Variants in UBE2O observed in about 807,000 individuals in gnomAD.
UBE2O encodes the protein ubiquitin conjugating enzyme E2 O.
A neutral mutation model predicts 125.8 loss-of-function variants in UBE2O; 15 were observed. The observed-to-expected ratio is 0.12, with a 90% CI of 0.08 to 0.18. The LOEUF (loss-of-function observed/expected upper bound fraction) is 0.18. Among genes scored for constraint, UBE2O ranks in the 10% least tolerant of loss-of-function variants. The probability of loss-of-function intolerance (pLI) is 1.00; values close to 1 mark genes in which losing one functional copy is unlikely to be tolerated. For missense variants in UBE2O, 1,280 were observed against 1,723.6 expected, an observed-to-expected ratio of 0.74 and a Z score of 4.56; for synonymous variants, 708 against 703.2, an observed-to-expected ratio of 1.01 and a Z score of -0.11.
intron 1 of UBE2O, among the ~76,000 whole-genome samples, chr17:76,422,244 T>C (rs916980174): frequency 6.6e-6 from 1 of 152,170 alleles, no homozygotes; most frequent in African/African-American, 2.4e-5. Context: ...AAAGGGAAGA[T>C]GATGTGTGGA....
chr17:76,450,034 G>C (rs2073212165), intron 1 of UBE2O, among the ~76,000 whole-genome samples: 1 of 150,996 alleles, frequency 6.6e-6, no homozygotes. Flanking sequence ...AAGGACACCT[G>C]AGTAACAGTG....
In UBE2O at chr17:76,396,947, C is replaced by T; in HGVS notation, c.2116-126G>A. 6 of 766,626 alleles carry T rather than the reference C, an allele frequency of 7.8e-6. No individual in the cohort carries two copies. In the South Asian group the frequency reaches 1.1e-4, roughly 14 times the overall value. The allele number at this position is 766,626 out of a possible 1,614,324, so 47.5% of individuals were successfully genotyped here. On this transcript the variant is annotated intron_variant, in intron 13 of 17. Coordinates refer to ENST00000319380, the MANE Select transcript of UBE2O (RefSeq NM_022066.4). This position sits in a 1 kb window ranked among gnomAD's most constrained non-coding sequence, Gnocchi z 6.7. ...ACTGGGCTCATGAGGCCTTGGCAACCTCATTCCACCCTTTCCCTGACCTCT... is the reference window on the plus strand; with the variant it reads ...ACTGGGCTCATGAGGCCTTGGCAACTTCATTCCACCCTTTCCCTGACCTCT...
In UBE2O at chr17:76,398,233, G is replaced by C; in HGVS notation, c.2025+22C>G. The C allele has an allele frequency of 5.6e-6, 9 of 1,614,114 alleles. No homozygotes were observed. The highest frequency in any genetic ancestry group is 6.8e-6 in the Non-Finnish European group (8 of 1,179,974). ...GCACAGGGCAGTGAGCAGCCATCCA[G>C]AACTTGAATTTGAAGGCGTACCTCA... is the stretch of plus-strand genomic sequence containing the variant. On this transcript the variant is annotated intron_variant, in intron 12 of 17. Coordinates refer to ENST00000319380, the MANE Select transcript of UBE2O (RefSeq NM_022066.4). This position sits in a 1 kb window ranked among gnomAD's most constrained non-coding sequence, Gnocchi z 5.4.
Position 76,398,815 on chromosome 17 carries a change from G to A in UBE2O, c.1783+22C>T, listed in dbSNP as rs1174536679. 1 of 1,610,104 alleles carries A rather than the reference G, an allele frequency of 6.2e-7. No individual in the cohort carries two copies. The highest frequency in any genetic ancestry group is 1.3e-5 in the African/African-American group (1 of 74,882). On this transcript the variant is annotated intron_variant, in intron 10 of 17. Coordinates refer to ENST00000319380, the MANE Select transcript of UBE2O (RefSeq NM_022066.4). The surrounding 1 kb of genome is among the most constrained non-coding windows in gnomAD (Gnocchi z 5.4). Reference sequence around the variant, plus strand: ...CTCATTGGCGACCACCCTGCTGGCTGCCCTTCCAGAGCTGGCACTACCTCG... The same window carrying A: ...CTCATTGGCGACCACCCTGCTGGCTACCCTTCCAGAGCTGGCACTACCTCG...
intron 1 of UBE2O, among the ~76,000 whole-genome samples, chr17:76,416,871 C>CA (rs1414492661): frequency 6.6e-6 from 1 of 152,238 alleles, no homozygotes; most frequent in East Asian, 1.9e-4. Flanking sequence ...ACAGCACCAT[C>CA]ATGGAGACTG....
chr17:76,429,509 T>C (rs1364460579), intron 1 of UBE2O, among the ~76,000 whole-genome samples: 2 of 122,930 alleles, frequency 1.6e-5, no homozygotes, highest in African/African-American at 6.4e-5. Flanking sequence ...ACCACTGTAC[T>C]CCAGCCTGGG....
Position 76,402,828 on chromosome 17 carries a change from G to GA in UBE2O, c.589-130_589-129insT. 1.3e-6 allele frequency: 1 copy of GA among 765,012 alleles called. No individual in the cohort carries two copies. The highest frequency in any genetic ancestry group is 2.2e-6 in the Non-Finnish European group (1 of 447,806). The allele number at this position is 765,012 out of a possible 1,614,324, so 47.4% of individuals were successfully genotyped here. On this transcript the variant is annotated intron_variant, in intron 3 of 17. Coordinates refer to ENST00000319380, the MANE Select transcript of UBE2O (RefSeq NM_022066.4). This position sits in a 1 kb window ranked among gnomAD's most constrained non-coding sequence, Gnocchi z 5.4. Reference sequence around the variant, plus strand: ...AGACAGCTCACTGACTGGACCGGTTGGCTACTAGCCCTAAACAGCTGCTGC... The same window carrying GA: ...AGACAGCTCACTGACTGGACCGGTTGAGCTACTAGCCCTAAACAGCTGCTGC...
At position 76,396,285 on chromosome 17, in the gene UBE2O, G is replaced by A. The variant is rs137956692; in HGVS notation, c.2652C>T (p.Asp884=). ...CGGGCTTGTCCTCCTTGCGCTCTAC[G>A]TCGGGCACTGCTTCCATCTTCTCCT... is the stretch of plus-strand genomic sequence containing the variant. ...VEEEKMEAVP[D]VERKEDKPEG... Residue 884 remains aspartate (D), a synonymous_variant, in exon 14 of 18, where the codon GAC becomes GAT. Transcript: ENST00000319380. The surrounding 1 kb of genome is among the most constrained non-coding windows in gnomAD (Gnocchi z 6.7). 4.2e-5 allele frequency: 68 copies of A among 1,614,168 alleles called. No individual in the cohort carries two copies. Among genetic ancestry groups the A allele is most frequent in the Non-Finnish European group, 4.7e-5 (56 of 1,180,034 alleles).
rs370727151 is a variant in UBE2O, at chr17:76,413,639, C to T, written c.418-8067G>A. ...CTGCTGAGAAGCTGGAGAATCTCCA[C>T]TCTACTGAATTCTCTGCCCAGCACC... On this transcript the variant is annotated intron_variant, in intron 1 of 17. Transcript: ENST00000319380. Among the ~76,000 whole-genome samples the T allele has an allele frequency of 2.6e-5, 4 of 152,146 alleles. No homozygotes were observed. The East Asian group carries it at 5.8e-4, about 22-fold the overall frequency.
intron 1 of UBE2O, among the ~76,000 whole-genome samples, chr17:76,433,240 A>T (rs1228628757): frequency 2.0e-5 from 3 of 151,834 alleles, no homozygotes. Context: ...ATCTATCCAT[A>T]TGATAGAATA....
chr17:76,447,377 T>G (rs2073168114), intron 1 of UBE2O, among the ~76,000 whole-genome samples: 1 of 152,240 alleles, frequency 6.6e-6, no homozygotes, highest in Non-Finnish European at 1.5e-5. Flanking sequence ...ACCACAGGGT[T>G]GTTGTGAGCG....
In UBE2O at chr17:76,395,742, T is replaced by C. The variant is rs1374949354; in HGVS notation, c.2929A>G (p.Thr977Ala). 1 of 1,613,936 alleles carries C rather than the reference T, an allele frequency of 6.2e-7. No individual in the cohort carries two copies. The highest frequency in any genetic ancestry group is 1.1e-5 in the South Asian group (1 of 91,090). ...CTACTTGCCATTCTATCTTCAAAAG[T>C]CTTGACCATGATGCCCTCAGGCAGT... ...TSLPEGIMVK[T>A]FEDRMDLFSA... is the part of the protein sequence containing the mutation. Residue 977 changes from threonine (T) to alanine (A), a missense_variant, in exon 15 of 18, where the codon ACT becomes GCT. Physicochemically the swap from Thr to Ala is moderately conservative, Grantham distance 58. Coordinates refer to ENST00000319380, the MANE Select transcript of UBE2O (RefSeq NM_022066.4). The surrounding 1 kb of genome is among the most constrained non-coding windows in gnomAD (Gnocchi z 5.0).
At chr17:76,397,471 G>A (rs2072233846) in intron 13 of UBE2O, among the ~76,000 whole-genome samples, 1 of 152,230 alleles carries the variant, frequency 6.6e-6, no homozygotes, top group Non-Finnish European at 1.5e-5. Flanking sequence ...TCTAAAAAGG[G>A]TGGTAGGAAA....
intron 1 of UBE2O, among the ~76,000 whole-genome samples, chr17:76,446,751 T>TA (rs755125524): frequency 6.6e-6 from 1 of 152,192 alleles, no homozygotes; most frequent in Non-Finnish European, 1.5e-5. Flanking sequence ...AAATGCCAGT[T>TA]ACGTGGAGTG....
intron 1 of UBE2O, among the ~76,000 whole-genome samples, chr17:76,415,495 A>G (rs763508877): frequency 5.9e-5 from 9 of 152,170 alleles, no homozygotes; most frequent in Non-Finnish European, 1.0e-4. Context: ...ACCAATTGGA[A>G]CCATGCTGCC....
intron 1 of UBE2O, among the ~76,000 whole-genome samples, chr17:76,440,604 AGCCATGAGCCACCAT>A (rs1436415377): frequency 6.6e-6 from 1 of 152,198 alleles, no homozygotes; most frequent in East Asian, 1.9e-4. Context: ...TTGGGATTAT[AGCCATGAGCCACCAT>A]GCCTGGCCTC....
At position 76,430,842 on chromosome 17, in the gene UBE2O, T is replaced by C. The variant is rs2072894869; in HGVS notation, c.417+21883A>G. Reference sequence around the variant, plus strand: ...TTTGGGCTCACACCACTGATACCTCTGACCCTGATGACAAATGCCAATTCG... The same window carrying C: ...TTTGGGCTCACACCACTGATACCTCCGACCCTGATGACAAATGCCAATTCG... On this transcript the variant is annotated intron_variant, in intron 1 of 17. Coordinates refer to ENST00000319380, the MANE Select transcript of UBE2O (RefSeq NM_022066.4). 7.8e-6 allele frequency: 3 copies of C among 386,686 alleles called. No homozygotes were observed. In the East Asian group the frequency reaches 2.1e-4, roughly 27 times the overall value. 24.0% of individuals were successfully genotyped at this position (386,686 alleles called of 1,614,324 possible).
In UBE2O at chr17:76,452,988, G is replaced by C; in HGVS notation, c.154C>G (p.Pro52Ala). ...SASGPSSDSG[P>A]EAGSQRLLFS... is the part of the protein sequence containing the mutation. ...AGCAGGCGCTGCGAGCCGGCTTCTGGGCCGGAGTCCGAGGACGGCCCGGAG... is the reference window on the plus strand; with the variant it reads ...AGCAGGCGCTGCGAGCCGGCTTCTGCGCCGGAGTCCGAGGACGGCCCGGAG... The change falls in exon 1 of 18, where the codon CCA (proline) becomes GCA (alanine). Residue 52 changes from proline (P) to alanine (A), a missense_variant. By Grantham distance (27) the Pro-to-Ala change is conservative. This residue lies in a region of UBE2O where 188 missense variants were observed against 192.5 expected (regional missense o/e 0.98). Coordinates refer to ENST00000319380, the MANE Select transcript of UBE2O (RefSeq NM_022066.4). The surrounding 1 kb of genome is among the most constrained non-coding windows in gnomAD (Gnocchi z 4.4). 1.3e-6 allele frequency: 2 copies of C among 1,492,138 alleles called. No individual in the cohort carries two copies. The highest frequency in any genetic ancestry group is 8.9e-7 in the Non-Finnish European group (1 of 1,120,984). 92.4% of individuals were successfully genotyped at this position (1,492,138 alleles called of 1,614,324 possible). A position where few individuals can be genotyped will look rare whatever the true frequency, so the allele number is the denominator to read the frequency against.
intron 13 of UBE2O, 47 bp downstream of exon 13, chr17:76,397,752 G>C: frequency 6.3e-7 from 1 of 1,593,338 alleles, no homozygotes; most frequent in Non-Finnish European, 8.6e-7. Context: ...CCCGGCCCAA[G>C]TTGCCATAGT....
Sources: gnomAD v4.1 joint callset for allele counts (sites outside exome capture counted in the v4.1 genomes callset) on GRCh38, gnomAD v4.1.1 for gene constraint, gnomAD v4.1.1 regional missense constraint, Gnocchi (gnomAD v3.1) non-coding constraint, MANE v1.5 for transcripts, NCBI Gene and HGNC (gene_info 2026-07-23, HGNC 2026-07-21) for gene names.